EYA3: variants seen among roughly 807,000 people sequenced by gnomAD.
EYA3 encodes the protein protein phosphatase EYA3.
Under a neutral mutation model 80.0 loss-of-function variants are expected in EYA3, and 39 were observed. That is an observed-to-expected ratio of 0.49 (90% CI 0.38 to 0.64). The LOEUF (loss-of-function observed/expected upper bound fraction) is 0.64. EYA3 is among the 30% of genes least tolerant of loss of function. EYA3 has a pLI of 0.00. For synonymous variants in EYA3, 206 were observed against 232.8 expected (o/e 0.88, Z 1.05); for missense variants, 523 against 676.1 (o/e 0.77, Z 2.51).
intron 11 of EYA3, among the ~76,000 whole-genome samples, chr1:28,003,496 CAAAA>C (rs1033540245): frequency 1.3e-5 from 2 of 151,930 alleles, no homozygotes; most frequent in African/African-American, 2.4e-5. Flanking sequence ...AACAAACAAA[CAAAA>C]AAACCCACAC....
intron 9 of EYA3, among the ~76,000 whole-genome samples, chr1:28,012,354 G>A (rs1245710461): frequency 6.6e-6 from 1 of 152,162 alleles, no homozygotes; most frequent in African/African-American, 2.4e-5. Context: ...TCAAATTTAT[G>A]TAAGTTTGAA....
chr1:28,024,542 A>C (rs1642657350), intron 7 of EYA3, among the ~76,000 whole-genome samples: 1 of 151,992 alleles, frequency 6.6e-6, no homozygotes, highest in South Asian at 2.1e-4. Flanking sequence ...CTCTAATCCC[A>C]GCTACACGGG....
chr1:28,028,583 T>TTC (rs1257855417), intron 6 of EYA3, among the ~76,000 whole-genome samples: 3 of 83,016 alleles, frequency 3.6e-5, no homozygotes, highest in Non-Finnish European at 8.9e-5. Context: ...CTTCTTCTTC[T>TTC]TTTTTTTTTT....
Position 27,970,869 on chromosome 1 carries a change from T to C in EYA3, c.*3597A>G, listed in dbSNP as rs987964283. On this transcript the variant is annotated 3_prime_UTR_variant, in exon 18 of 18. Transcript: ENST00000373871. The stretch of plus-strand genomic sequence containing the variant: ...GCTCACCATTCCTTGGCCCAGACCA[T>C]TGCTCTACCCCATACTCCTCTCCCC... The C allele has an allele frequency of 1.3e-5, 2 of 152,216 alleles. No individual in the cohort carries two copies. Among genetic ancestry groups the C allele is most frequent in the Non-Finnish European group, 2.9e-5 (2 of 68,064 alleles). The allele number at this position is 152,216 out of a possible 1,614,324, so 9.4% of individuals were successfully genotyped here.
At position 27,974,579 on chromosome 1, in the gene EYA3, A is replaced by G. The variant is rs760733275; in HGVS notation, c.1642-33T>C. 2.0e-5 allele frequency: 31 copies of G among 1,567,044 alleles called. No homozygotes were observed. The East Asian group carries it at 4.9e-4, about 25-fold the overall frequency. ...AGAGTGGGAATAGCTGGTTAATCCA[A>G]CTTCTTCTGAGAGCTTATATAAATA... is the stretch of plus-strand genomic sequence containing the variant. On this transcript the variant is annotated intron_variant, in intron 17 of 17. Coordinates refer to ENST00000373871, the MANE Select transcript of EYA3 (RefSeq NM_001990.4).
At chr1:28,078,695 C>T (rs113634688) in intron 1 of EYA3, among the ~76,000 whole-genome samples, 2 of 152,150 alleles carry the variant, frequency 1.3e-5, no homozygotes, top group African/African-American at 4.8e-5. Flanking sequence ...TAGGCATGCA[C>T]CACCATGCCC....
At chr1:28,064,376 C>CTATA (rs1196095186) in intron 1 of EYA3, among the ~76,000 whole-genome samples, 110 of 111,872 alleles carry the variant, frequency 9.8e-4, no homozygotes, top group African/African-American at 3.8e-3. Context: ...CTCTCTCTCT[C>CTATA]TCTATATATA....
At chr1:28,002,995 G>A (rs1302694621) in intron 11 of EYA3, among the ~76,000 whole-genome samples, 3 of 150,816 alleles carry the variant, frequency 2.0e-5, no homozygotes, top group African/African-American at 4.9e-5. Flanking sequence ...AGTGGCTCAC[G>A]CTTGTAATCC....
chr1:28,020,958 C>T (rs1642397835), intron 7 of EYA3, among the ~76,000 whole-genome samples: 1 of 151,934 alleles, frequency 6.6e-6, no homozygotes, highest in South Asian at 2.1e-4. Flanking sequence ...AGAACCAGGC[C>T]CCACTAGATG....
chr1:28,073,121 ATATATATTTTTTTT>A (rs1479092459), intron 1 of EYA3, among the ~76,000 whole-genome samples: 4 of 45,812 alleles, frequency 8.7e-5, no homozygotes, highest in African/African-American at 4.6e-4. Context: ...ATATATATAT[ATATATATTTTTTTT>A]TTTTTTTTTT....
At position 27,972,714 on chromosome 1, in the gene EYA3, G is replaced by A. The variant is rs987695509; in HGVS notation, c.*1752C>T. 1 of 152,238 alleles carries A rather than the reference G, an allele frequency of 6.6e-6. No individual in the cohort carries two copies. The highest frequency in any genetic ancestry group is 1.5e-5 in the Non-Finnish European group (1 of 68,056). 9.4% of individuals were successfully genotyped at this position (152,238 alleles called of 1,614,324 possible). A position where few individuals can be genotyped will look rare whatever the true frequency, so the allele number is the denominator to read the frequency against. On this transcript the variant is annotated 3_prime_UTR_variant, in exon 18 of 18. Transcript: ENST00000373871. ...GAGGCTGAACTTCCTCAGCTCTAGG[G>A]AATTTTATCCTGCCTGAGTAGATGC... is the stretch of plus-strand genomic sequence containing the variant.
At chr1:27,975,947 G>A (rs778344587) in intron 17 of EYA3, among the ~76,000 whole-genome samples, 8 of 152,138 alleles carry the variant, frequency 5.3e-5, no homozygotes, top group Non-Finnish European at 1.2e-4. Flanking sequence ...GGAGGGCTTT[G>A]ATAAATCCAA....
chr1:27,997,040 G>A (rs142124839), intron 13 of EYA3, among the ~76,000 whole-genome samples: 1 of 152,274 alleles, frequency 6.6e-6, no homozygotes, highest in East Asian at 1.9e-4. Context: ...ATTCTTTAAT[G>A]TTCTGCTTTA....
Position 28,009,327 on chromosome 1 carries a change from G to A in EYA3, c.909+1620C>T, listed in dbSNP as rs936372685. Among the ~76,000 whole-genome samples, 11 of 152,210 alleles carry A rather than the reference G, an allele frequency of 7.2e-5. No individual in the cohort carries two copies. The highest frequency in any genetic ancestry group is 1.0e-4 in the Non-Finnish European group (7 of 68,008). ...CAGACATAAAAAGGAATGAAATTCT[G>A]GTATGTGCTACAACATGGATGAACC... is the stretch of plus-strand genomic sequence containing the variant. On this transcript the variant is annotated intron_variant, in intron 10 of 17. Coordinates refer to ENST00000373871, the MANE Select transcript of EYA3 (RefSeq NM_001990.4). The surrounding 1 kb of genome is among the most constrained non-coding windows in gnomAD (Gnocchi z 4.8).
chr1:28,026,855 G>A (rs1043301832), intron 7 of EYA3, among the ~76,000 whole-genome samples: 1 of 151,984 alleles, frequency 6.6e-6, no homozygotes, highest in Non-Finnish European at 1.5e-5. Context: ...TCAGAACATA[G>A]AGACCAGTTC....
chr1:27,978,604 TG>T, intron 16 of EYA3, 130 bp from the exon 17 acceptor site: 1 of 656,530 alleles, frequency 1.5e-6, no homozygotes, highest in Non-Finnish European at 2.7e-6. Context: ...GTTTGCTTGC[TG>T]GGGAGTAGGG....
At chr1:28,038,153 T>C (rs1029312427) in intron 5 of EYA3, among the ~76,000 whole-genome samples, 2 of 152,072 alleles carry the variant, frequency 1.3e-5, no homozygotes, top group Non-Finnish European at 2.9e-5. Flanking sequence ...ATCAAGAAAC[T>C]GAACACAGGC....
At chr1:28,056,889 G>A (rs1644456344) in intron 2 of EYA3, among the ~76,000 whole-genome samples, 2 of 152,062 alleles carry the variant, frequency 1.3e-5, no homozygotes, top group Non-Finnish European at 2.9e-5. Flanking sequence ...ATTTTTCCTG[G>A]TACATATAGT....
In EYA3 at chr1:28,058,054, A is replaced by ATGC; in HGVS notation, c.-29_-28insGCA. On this transcript the variant is annotated 5_prime_UTR_variant, in exon 2 of 18. Transcript: ENST00000373871. ...GGACCAATATTTCTTTATTATACTTATGTGACTGGATTGCAAGTCTCTCTC... is the reference window on the plus strand; with the variant it reads ...GGACCAATATTTCTTTATTATACTTATGCTGTGACTGGATTGCAAGTCTCTCTC... 6.4e-7 allele frequency: 1 copy of ATGC among 1,551,730 alleles called. No individual in the cohort carries two copies. Among genetic ancestry groups the ATGC allele is most frequent in the Non-Finnish European group, 8.7e-7 (1 of 1,144,938 alleles).
Sources: allele counts gnomAD v4.1 joint callset (sites outside exome capture counted in the v4.1 genomes callset), GRCh38; gene constraint gnomAD v4.1.1; non-coding constraint Gnocchi (gnomAD v3.1); transcripts MANE v1.5; gene names NCBI Gene and HGNC (gene_info 2026-07-23, HGNC 2026-07-21).